The following MCC variants were observed in gnomAD, a reference collection of about 807,000 sequenced individuals.
MCC encodes MCC regulator of Wnt signaling pathway.
In MCC, 90 loss-of-function variants were observed where a neutral mutation model predicts 116.2. That is an observed-to-expected ratio of 0.77 (90% CI 0.65 to 0.92). MCC has a LOEUF of 0.92. MCC is among the 40% of genes least tolerant of loss of function. The probability of loss-of-function intolerance (pLI) is 0.00; values close to 1 mark genes in which losing one functional copy is unlikely to be tolerated. For synonymous variants in MCC, 578 were observed against 510.5 expected (o/e 1.13, Z -1.78); for missense variants, 1,516 against 1,312.2 (o/e 1.16, Z -2.40).
chr5:113,209,231 G>C (rs1389587392), intron 3 of MCC, among the ~76,000 whole-genome samples: 1 of 152,136 alleles, frequency 6.6e-6, no homozygotes, highest in African/African-American at 2.4e-5. Context: ...TGATTTTAGG[G>C]AACAGTTGAC....
intron 17 of MCC, among the ~76,000 whole-genome samples, chr5:113,039,969 C>G (rs892365202): frequency 1.3e-5 from 2 of 151,714 alleles, no homozygotes; most frequent in Non-Finnish European, 2.9e-5. Flanking sequence ...AGAGACAGAT[C>G]TGAGATGGAG....
At chr5:113,349,776 C>G (rs977864405) in intron 2 of MCC, among the ~76,000 whole-genome samples, 2 of 151,852 alleles carry the variant, frequency 1.3e-5, no homozygotes, top group African/African-American at 4.8e-5. Context: ...AGGATATTAT[C>G]TTATATTTGG....
At chr5:113,132,796 A>T (rs1230662636) in intron 5 of MCC, among the ~76,000 whole-genome samples, 1 of 152,176 alleles carries the variant, frequency 6.6e-6, no homozygotes, top group East Asian at 1.9e-4. Context: ...TTTCAGACAT[A>T]GTACTCAGTG....
chr5:113,066,472 G>A (rs994761279), intron 13 of MCC, among the ~76,000 whole-genome samples: 1 of 152,086 alleles, frequency 6.6e-6, no homozygotes, highest in African/African-American at 2.4e-5. Context: ...TTCTGGGCTG[G>A]GCTGGTAATA....
At chr5:113,262,540 A>C (rs72788621) in intron 3 of MCC, among the ~76,000 whole-genome samples, 6,162 of 152,274 alleles carry the variant, frequency 0.04, 177 homozygotes, top group Non-Finnish European at 0.062. Flanking sequence ...ACTTATGTGC[A>C]AAACGTTTAT....
intron 3 of MCC, among the ~76,000 whole-genome samples, chr5:113,289,365 A>C (rs1766395670): frequency 6.6e-6 from 1 of 151,838 alleles, no homozygotes. Context: ...AAAAGAAAGA[A>C]GTCAGAGTTT....
chr5:113,049,351 G>A, intron 15 of MCC, 52 bp from the exon 16 acceptor site: 2 of 1,440,290 alleles, frequency 1.4e-6, no homozygotes, highest in South Asian at 2.8e-5. Flanking sequence ...CTGAGAGCAG[G>A]CCTGGCTGCT....
chr5:113,170,576 C>T (rs551418270), intron 3 of MCC, among the ~76,000 whole-genome samples: 5 of 152,038 alleles, frequency 3.3e-5, no homozygotes, highest in South Asian at 2.1e-4. Flanking sequence ...ACCGGGGTCT[C>T]GGGGCATTCC....
At chr5:113,305,938 C>T (rs1371344919) in intron 3 of MCC, among the ~76,000 whole-genome samples, 2 of 152,202 alleles carry the variant, frequency 1.3e-5, no homozygotes, top group African/African-American at 4.8e-5. Flanking sequence ...CCAGCCCTGG[C>T]AAACACAAGT....
intron 16 of MCC, chr5:113,044,452 G>A: frequency 8.2e-6 from 8 of 978,158 alleles, no homozygotes; most frequent in Non-Finnish European, 9.7e-6. Context: ...ACACTACATA[G>A]TACCATGGCT....
intron 1 of MCC, among the ~76,000 whole-genome samples, chr5:113,412,397 T>C (rs1260300170): frequency 2.0e-5 from 3 of 152,206 alleles, no homozygotes; most frequent in Admixed American, 6.5e-5. Flanking sequence ...ATTCTTCCTA[T>C]CCATGAGCAT....
intron 3 of MCC, among the ~76,000 whole-genome samples, chr5:113,195,710 T>C (rs1315112764): frequency 2.0e-5 from 3 of 152,232 alleles, no homozygotes; most frequent in African/African-American, 7.2e-5. Flanking sequence ...TCTCTGGCTC[T>C]GGGATGTTTG....
intron 3 of MCC, among the ~76,000 whole-genome samples, chr5:113,258,313 C>A (rs1235614292): frequency 1.3e-5 from 2 of 152,162 alleles, no homozygotes; most frequent in Non-Finnish European, 2.9e-5. Context: ...TGAATGCCAA[C>A]AGACTAGAAC....
chr5:113,133,249 A>G (rs1038027332), intron 5 of MCC, among the ~76,000 whole-genome samples: 5 of 152,008 alleles, frequency 3.3e-5, no homozygotes, highest in Middle Eastern at 3.2e-3. Flanking sequence ...CTATCTACCT[A>G]TATTTTTGTA....
chr5:113,466,246 A>G (rs1380691293), intron 1 of MCC, among the ~76,000 whole-genome samples: 1 of 151,730 alleles, frequency 6.6e-6, no homozygotes, highest in Non-Finnish European at 1.5e-5. Flanking sequence ...GGTTTGTTAC[A>G]TATGTATACA....
At chr5:113,242,018 A>G (rs776512555) in intron 3 of MCC, among the ~76,000 whole-genome samples, 3 of 152,248 alleles carry the variant, frequency 2.0e-5, no homozygotes, top group Admixed American at 2.0e-4. Flanking sequence ...AAACAACAGT[A>G]TAAAATGAAC....
intron 1 of MCC, among the ~76,000 whole-genome samples, chr5:113,416,099 A>G (rs1770138006): frequency 6.6e-6 from 1 of 152,194 alleles, no homozygotes; most frequent in Non-Finnish European, 1.5e-5. Context: ...TCACCAGCAG[A>G]GGCTCAGTTG....
At chr5:113,126,655 T>C (rs2150273573) in intron 5 of MCC, among the ~76,000 whole-genome samples, 2 of 152,328 alleles carry the variant, frequency 1.3e-5, no homozygotes, top group South Asian at 2.1e-4. Flanking sequence ...CAAAAGTAAT[T>C]GCAGTTTTGC....
rs1321841935 is a variant in MCC, at chr5:113,024,244, T to G, written c.*3058A>C. 6.6e-6 allele frequency: 1 copy of G among 152,214 alleles called. No individual in the cohort carries two copies. The highest frequency in any genetic ancestry group is 1.5e-5 in the Non-Finnish European group (1 of 68,036). The allele number at this position is 152,214 out of a possible 1,614,324, so 9.4% of individuals were successfully genotyped here. A position where few individuals can be genotyped will look rare whatever the true frequency, so the allele number is the denominator to read the frequency against. ...AGTTAAGTGCTAGTTAAACATAACA[T>G]TTGTTTCAGGCAGCATGGATATTAA... On this transcript the variant is annotated 3_prime_UTR_variant, in exon 19 of 19. Coordinates refer to ENST00000408903, the MANE Select transcript of MCC (RefSeq NM_001085377.2).
Sources: gnomAD v4.1 joint callset for allele counts (sites outside exome capture counted in the v4.1 genomes callset) on GRCh38, gnomAD v4.1.1 for gene constraint, MANE v1.5 for transcripts, NCBI Gene and HGNC (gene_info 2026-07-23, HGNC 2026-07-21) for gene names.